ZNF518B: variants seen among roughly 807,000 people sequenced by gnomAD.
ZNF518B encodes the protein zinc finger protein 518B.
ZNF518B carries 23 observed loss-of-function variants against 56.3 expected under a neutral mutation model. The observed-to-expected ratio is 0.41, with a 90% confidence interval of 0.29 to 0.58. ZNF518B has a LOEUF of 0.58. Among genes scored for constraint, ZNF518B ranks in the 20% least tolerant of loss-of-function variants. The probability of loss-of-function intolerance (pLI) is 0.32; values close to 1 mark genes in which losing one functional copy is unlikely to be tolerated. For synonymous variants in ZNF518B, 529 were observed against 465.9 expected (o/e 1.14, Z -1.74); for missense variants, 1,460 against 1,272.1 (o/e 1.15, Z -2.25).
rs1448557467 is a variant in ZNF518B at position 10,447,645 on chromosome 4, AC to A, written c.-211-1107del. 6.0e-5 allele frequency among the ~76,000 whole-genome samples: 7 copies of A among 116,344 alleles called. No individual in the cohort carries two copies. The Admixed American group carries it at 6.7e-4, about 11-fold the overall frequency. The allele number at this position is 116,344 out of a possible 152,430, so 76.3% of individuals were successfully genotyped here. On this transcript the variant is annotated intron_variant, in intron 2 of 2. Transcript: ENST00000326756. ...TAAGCACTCCAATATACACAGAGTG[AC>A]CTTTTTTTTTTTTTTTTTTTGAGAC...
chr4:10,460,916 C>G (rs1426158414), upstream of ZNF518B, among the ~76,000 whole-genome samples: 4 of 152,196 alleles, frequency 2.6e-5, no homozygotes, highest in Non-Finnish European at 5.9e-5. Flanking sequence ...ACAGGAGATC[C>G]CAGAAAGTGG....
rs1714611209 is a variant in ZNF518B, at chr4:10,440,218, T to G, written c.*2886A>C. The G allele has an allele frequency of 6.6e-6, 1 of 152,278 alleles. No homozygotes were observed. The highest frequency in any genetic ancestry group is 6.5e-5 in the Admixed American group (1 of 15,274). The allele number at this position is 152,278 out of a possible 1,614,324, so 9.4% of individuals were successfully genotyped here. ...CAGCAGGTGGCCCTTAATGAAGGCTTACAAGATGTTCTCGACTGGGGATAC... is the reference window on the plus strand; with the variant it reads ...CAGCAGGTGGCCCTTAATGAAGGCTGACAAGATGTTCTCGACTGGGGATAC... On this transcript the variant is annotated 3_prime_UTR_variant, in exon 3 of 3. Transcript: ENST00000326756.
In ZNF518B at chr4:10,443,316, TTTTAA is replaced by T. The variant is rs779080686; in HGVS notation, c.3008_3012del (p.Ile1003LysfsTer14). 24 of 1,614,096 alleles carry T rather than the reference TTTTAA, an allele frequency of 1.5e-5. No individual in the cohort carries two copies. Among genetic ancestry groups the T allele is most frequent in the African/African-American group, 4.0e-5 (3 of 74,950 alleles). On this transcript the variant is annotated frameshift_variant, in exon 3 of 3. Coordinates refer to ENST00000326756, the MANE Select transcript of ZNF518B (RefSeq NM_053042.3). LOFTEE classifies it high-confidence loss of function. ...AGTTTCATTTTCAACATCATTTGCC[TTTTAA>T]TTTGACTGGCTTCTTCCGCATTCTG...
chr4:10,445,750 C>T lies in ZNF518B; in HGVS notation c.579G>A (p.Glu193=), dbSNP rs759710461. The change falls in exon 3 of 3, where the codon GAG becomes GAA. Residue 193 remains glutamate, a synonymous_variant. Coordinates refer to ENST00000326756, the MANE Select transcript of ZNF518B (RefSeq NM_053042.3). ...KHTGIFPYQC[E]YCDYGAIRND... is the part of the protein sequence containing the mutation. ...TTCTAATAGCACCATAGTCACAATACTCACACTGATAAGGAAATATGCCTG... is the reference window on the plus strand; with the variant it reads ...TTCTAATAGCACCATAGTCACAATATTCACACTGATAAGGAAATATGCCTG... The T allele has an allele frequency of 6.2e-7, 1 of 1,614,220 alleles. No homozygotes were observed. Among genetic ancestry groups the T allele is most frequent in the Admixed American group, 1.7e-5 (1 of 60,032 alleles).
At chr4:10,460,192 C>G (rs1215530890), upstream of ZNF518B, among the ~76,000 whole-genome samples, 1 of 151,088 alleles carries the variant, frequency 6.6e-6, no homozygotes. Flanking sequence ...GTAATCCCAG[C>G]TACTCAGGAG....
chr4:10,449,295 A>G (rs183898988), intron 2 of ZNF518B, among the ~76,000 whole-genome samples: 1 of 152,216 alleles, frequency 6.6e-6, no homozygotes, highest in Non-Finnish European at 1.5e-5. Flanking sequence ...AAAGGAAAGG[A>G]GATTTTTGTG....
upstream of ZNF518B, among the ~76,000 whole-genome samples, chr4:10,460,876 A>G (rs1291641108): frequency 6.6e-6 from 1 of 152,224 alleles, no homozygotes; most frequent in Non-Finnish European, 1.5e-5. Context: ...AGACATGTCA[A>G]TCTCAGACAC....
In ZNF518B at chr4:10,444,652, G is replaced by C. The variant is rs138448653; in HGVS notation, c.1677C>G (p.Val559=). The C allele has an allele frequency of 2.5e-6, 4 of 1,613,998 alleles. No homozygotes were observed. Among genetic ancestry groups the C allele is most frequent in the Non-Finnish European group, 3.4e-6 (4 of 1,180,036 alleles). The change falls in exon 3 of 3, where the codon GTC becomes GTG. Residue 559 remains valine (V), a synonymous_variant. Coordinates refer to ENST00000326756, the MANE Select transcript of ZNF518B (RefSeq NM_053042.3). ...SENDLESTSK[V]NIPVKVVSSN... is the part of the protein sequence containing the mutation. Reference sequence around the variant, plus strand: ...AGGAAACCACTTTTACAGGAATATTGACTTTACTTGTAGATTCCAAGTCAT... The same window carrying C: ...AGGAAACCACTTTTACAGGAATATTCACTTTACTTGTAGATTCCAAGTCAT...
At chr4:10,459,769 A>G (rs1022518874), upstream of ZNF518B, among the ~76,000 whole-genome samples, 1 of 152,188 alleles carries the variant, frequency 6.6e-6, no homozygotes, top group Non-Finnish European at 1.5e-5. Flanking sequence ...TGGAAAAGGC[A>G]GGGAGGATCC....
rs1361652350 is a variant in ZNF518B at position 10,440,999 on chromosome 4, A to T, written c.*2105T>A. 1.3e-5 allele frequency: 2 copies of T among 152,548 alleles called. No individual in the cohort carries two copies. Among genetic ancestry groups the T allele is most frequent in the African/African-American group, 4.8e-5 (2 of 41,420 alleles). 9.4% of individuals were successfully genotyped at this position (152,548 alleles called of 1,614,324 possible). On this transcript the variant is annotated 3_prime_UTR_variant, in exon 3 of 3. Coordinates refer to ENST00000326756, the MANE Select transcript of ZNF518B (RefSeq NM_053042.3). The stretch of plus-strand genomic sequence containing the variant: ...TGCTCTACGTAGTGAAGTGGTACCA[A>T]AGATCTACTTCCTAAAAAGCACCAA...
Position 10,442,812 on chromosome 4 carries a change from TAAAC to T in ZNF518B, c.*288_*291del. The stretch of plus-strand genomic sequence containing the variant: ...AGTATGTACTCAGAAAACGGGGTGC[TAAAC>T]AAAGAAAAGTCTCAGATCCCACTGA... On this transcript the variant is annotated 3_prime_UTR_variant, in exon 3 of 3. Coordinates refer to ENST00000326756, the MANE Select transcript of ZNF518B (RefSeq NM_053042.3). 1 of 343,338 alleles carries T rather than the reference TAAAC, an allele frequency of 2.9e-6. No individual in the cohort carries two copies. Among genetic ancestry groups the T allele is most frequent in the Non-Finnish European group, 5.3e-6 (1 of 188,094 alleles). 21.3% of individuals were successfully genotyped at this position (343,338 alleles called of 1,614,324 possible).
chr4:10,459,650 C>T (rs1360165372), upstream of ZNF518B, among the ~76,000 whole-genome samples: 7 of 151,988 alleles, frequency 4.6e-5, no homozygotes, highest in Non-Finnish European at 1.0e-4. Context: ...TGTGAAGAGA[C>T]GCAGAGAAGA....
chr4:10,446,408 TAC>T lies in ZNF518B; in HGVS notation c.-82_-81del, dbSNP rs1715059027. On this transcript the variant is annotated 5_prime_UTR_variant, in exon 3 of 3. An upstream open reading frame in the 5' UTR gains an earlier in-frame stop. Coordinates refer to ENST00000326756, the MANE Select transcript of ZNF518B (RefSeq NM_053042.3). ...AAAATCCTTAGGAGATATCCTTCTA[TAC>T]AGTTTGTGATGGGTAGGGGCGCAGC... The T allele has an allele frequency of 7.2e-7, 1 of 1,387,066 alleles. No homozygotes were observed. The allele number at this position is 1,387,066 out of a possible 1,614,324, so 85.9% of individuals were successfully genotyped here. A position where few individuals can be genotyped will look rare whatever the true frequency, so the allele number is the denominator to read the frequency against.
At chr4:10,455,707 TTGTC>T (rs544350088) in intron 1 of ZNF518B, among the ~76,000 whole-genome samples, 31 of 152,346 alleles carry the variant, frequency 2.0e-4, no homozygotes, top group South Asian at 8.3e-4. Flanking sequence ...ATGCCATCCT[TTGTC>T]TGCTCTTTTC....
intron 2 of ZNF518B, among the ~76,000 whole-genome samples, chr4:10,449,812 G>A (rs1166367970): frequency 6.6e-6 from 1 of 152,118 alleles, no homozygotes; most frequent in Non-Finnish European, 1.5e-5. Context: ...TAAGTCATGT[G>A]ACAAGATTCC....
Position 10,444,445 on chromosome 4 carries a change from A to T in ZNF518B, c.1884T>A (p.Asn628Lys), listed in dbSNP as rs1050857562. The change falls in exon 3 of 3, where the codon AAT (asparagine) becomes AAA (lysine). Residue 628 changes from asparagine (N) to lysine (K), a missense_variant. Coordinates refer to ENST00000326756, the MANE Select transcript of ZNF518B (RefSeq NM_053042.3). Reference protein sequence around the residue: ...LKNSERTNNTNDGPVISSVFS... With the variant: ...LKNSERTNNTKDGPVISSVFS... Reference sequence around the variant, plus strand: ...ATACTGATGAGATGACTGGGCCATCATTAGTGTTGTTAGTCCTTTCAGAAT... The same window carrying T: ...ATACTGATGAGATGACTGGGCCATCTTTAGTGTTGTTAGTCCTTTCAGAAT... 5.0e-6 allele frequency: 8 copies of T among 1,614,084 alleles called. No individual in the cohort carries two copies. Among genetic ancestry groups the T allele is most frequent in the Non-Finnish European group, 6.8e-6 (8 of 1,180,048 alleles).
intron 2 of ZNF518B, chr4:10,450,892 T>C (rs1340323655): frequency 6.6e-6 from 1 of 152,238 alleles, no homozygotes; most frequent in African/African-American, 2.4e-5. Flanking sequence ...ATTAATTTTA[T>C]GGTGCAATAA....
rs183898988 is a variant in ZNF518B at position 10,449,295 on chromosome 4, A to C, written c.-211-2756T>G. Among the ~76,000 whole-genome samples, 386 of 152,330 alleles carry C rather than the reference A, an allele frequency of 2.5e-3. 1 individual carries two copies. The highest frequency in any genetic ancestry group is 6.8e-3 in the Middle Eastern group (2 of 294). Reference sequence around the variant, plus strand: ...GTCTCAGGAGAGAAGAAAGGAAAGGAGATTTTTGTGGCTTGTAAAGGCACC... The same window carrying C: ...GTCTCAGGAGAGAAGAAAGGAAAGGCGATTTTTGTGGCTTGTAAAGGCACC... On this transcript the variant is annotated intron_variant, in intron 2 of 2. Coordinates refer to ENST00000326756, the MANE Select transcript of ZNF518B (RefSeq NM_053042.3).
intron 1 of ZNF518B, among the ~76,000 whole-genome samples, chr4:10,456,931 C>A (rs1241970960): frequency 6.6e-6 from 1 of 151,218 alleles, no homozygotes; most frequent in Non-Finnish European, 1.5e-5. Flanking sequence ...CCCCGCGGGA[C>A]GCTGCCACCC....
Sources: gnomAD v4.1 joint callset for allele counts (sites outside exome capture counted in the v4.1 genomes callset) on GRCh38, gnomAD v4.1.1 for gene constraint, MANE v1.5 for transcripts, NCBI Gene and HGNC (gene_info 2026-07-23, HGNC 2026-07-21) for gene names.